SLC14A1: variants seen among roughly 807,000 people sequenced by gnomAD.
SLC14A1 encodes solute carrier family 14 member 1 (Kidd blood group).
A neutral mutation model predicts 39.6 loss-of-function variants in SLC14A1; 36 were observed. The ratio of observed to expected loss-of-function variants is 0.91; its 90% confidence interval spans 0.70 to 1.20. The LOEUF (loss-of-function observed/expected upper bound fraction) is 1.20. Ranked by LOEUF, SLC14A1 falls within the 50% of genes most tolerant of loss-of-function variation. SLC14A1 has a pLI of 0.00. For missense variants in SLC14A1, 469 were observed against 478.7 expected (o/e 0.98, Z 0.19); for synonymous variants, 164 against 173.6 (o/e 0.94, Z 0.43).
chr18:45,727,363 C>A (rs982814472), intron 2 of SLC14A1: 34 of 1,551,424 alleles, frequency 2.2e-5, no homozygotes, highest in Non-Finnish European at 2.9e-5. Flanking sequence ...GGTGACGCAG[C>A]GCGCAGAGGC....
intron 8 of SLC14A1, among the ~76,000 whole-genome samples, chr18:45,744,156 AC>A (rs1293658046): frequency 6.6e-6 from 1 of 152,128 alleles, no homozygotes; most frequent in East Asian, 1.9e-4. Context: ...GGGATTACAG[AC>A]ATGCACCACC....
chr18:45,737,616 A>G (rs1366146737), intron 6 of SLC14A1: 9 of 152,246 alleles, frequency 5.9e-5, no homozygotes, highest in African/African-American at 9.6e-5. Context: ...TCAGAAGGAA[A>G]AAATCAAAGA....
chr18:45,732,276 A>G (rs931073188), intron 4 of SLC14A1, among the ~76,000 whole-genome samples: 1 of 152,258 alleles, frequency 6.6e-6, no homozygotes, highest in Non-Finnish European at 1.5e-5. Flanking sequence ...TGTTTTAAGT[A>G]AATATATGTC....
At chr18:45,725,959 A>C (rs2046853049) in intron 2 of SLC14A1, among the ~76,000 whole-genome samples, 1 of 152,174 alleles carries the variant, frequency 6.6e-6, no homozygotes, top group African/African-American at 2.4e-5. Flanking sequence ...GGGCAGAAGG[A>C]GACGCTGTCT....
intron 7 of SLC14A1, 35 bp downstream of exon 7, chr18:45,739,345 C>T: frequency 1.2e-6 from 2 of 1,613,872 alleles, no homozygotes; most frequent in Non-Finnish European, 1.7e-6. Flanking sequence ...TATTGAGCAC[C>T]TCCTCCATCC....
At chr18:45,749,125 T>C (rs995623014) in intron 9 of SLC14A1, among the ~76,000 whole-genome samples, 5 of 145,320 alleles carry the variant, frequency 3.4e-5, no homozygotes, top group Non-Finnish European at 7.7e-5. Flanking sequence ...AGGTCTTGTA[T>C]GATGCTTGAA....
intron 6 of SLC14A1, chr18:45,737,523 GAGTGATCAAA>G (rs1450526555): frequency 7.9e-5 from 12 of 152,136 alleles, no homozygotes; most frequent in Non-Finnish European, 8.8e-5. Flanking sequence ...CTTCTTTGTT[GAGTGATCAAA>G]ACACACGAGG....
intron 2 of SLC14A1, chr18:45,727,518 C>A: frequency 1.5e-6 from 2 of 1,372,896 alleles, no homozygotes; most frequent in Non-Finnish European, 1.9e-6. Context: ...TGGGGGTTGG[C>A]TGTGAGCTAA....
chr18:45,749,166 G>A (rs2047639108), intron 9 of SLC14A1, among the ~76,000 whole-genome samples: 1 of 151,958 alleles, frequency 6.6e-6, no homozygotes. Context: ...TCCCCCAGAT[G>A]ATTCTGATGT....
Position 45,750,793 on chromosome 18 carries a change from A to G in SLC14A1, c.*842A>G, listed in dbSNP as rs1488746041. ...TATTTATGAAATACTCAGCTTAGGC[A>G]TTTTTACTTTAACCCCTAAATTGAT... On this transcript the variant is annotated 3_prime_UTR_variant, in exon 10 of 10. Transcript: ENST00000321925. 1 of 984,962 alleles carries G rather than the reference A, an allele frequency of 1.0e-6. No individual in the cohort carries two copies. Among genetic ancestry groups the G allele is most frequent in the Non-Finnish European group, 1.2e-6 (1 of 829,632 alleles). 61.0% of individuals were successfully genotyped at this position (984,962 alleles called of 1,614,324 possible). A position where few individuals can be genotyped will look rare whatever the true frequency, so the allele number is the denominator to read the frequency against.
chr18:45,735,727 G>A lies in SLC14A1; in HGVS notation c.471-729G>A, dbSNP rs28898870. On this transcript the variant is annotated intron_variant, in intron 5 of 9. Transcript: ENST00000321925. ...GGGCCCTGCTCTGAAGAATAGGTTC[G>A]TGGGAAGGAGGCCTAGCCTGTAAGT... Among the ~76,000 whole-genome samples, 587 of 152,284 alleles carry A rather than the reference G, an allele frequency of 3.9e-3. 5 individuals are homozygous for A. Among genetic ancestry groups the A allele is most frequent in the African/African-American group, 0.014 (561 of 41,548 alleles).
At chr18:45,745,280 G>T (rs992185905) in intron 8 of SLC14A1, among the ~76,000 whole-genome samples, 10 of 152,130 alleles carry the variant, frequency 6.6e-5, no homozygotes, top group African/African-American at 2.4e-4. Context: ...TCAGTTTGTT[G>T]TCCTTCTTTT....
rs932916518 is a variant in SLC14A1, at chr18:45,734,172, T to G, written c.342-102T>G. ...AATACATTTCCAAATATAATCTCAT[T>G]TTTTAATATGAATATGATCTGGAAG... On this transcript the variant is annotated intron_variant, in intron 4 of 9. Coordinates refer to ENST00000321925, the MANE Select transcript of SLC14A1 (RefSeq NM_015865.7). The G allele has an allele frequency of 1.5e-5, 21 of 1,444,872 alleles. No homozygotes were observed. The Admixed American group carries it at 3.2e-4, about 22-fold the overall frequency. The allele number at this position is 1,444,872 out of a possible 1,614,324, so 89.5% of individuals were successfully genotyped here.
intron 4 of SLC14A1, among the ~76,000 whole-genome samples, chr18:45,731,820 C>A (rs558716592): frequency 1.3e-5 from 2 of 152,182 alleles, no homozygotes; most frequent in Non-Finnish European, 2.9e-5. Context: ...GTAGATAGCT[C>A]CCCACTAGCC....
In SLC14A1 at chr18:45,750,921, A is replaced by C. The variant is rs1176742826; in HGVS notation, c.*970A>C. 1 of 984,908 alleles carries C rather than the reference A, an allele frequency of 1.0e-6. No homozygotes were observed. The highest frequency in any genetic ancestry group is 1.2e-6 in the Non-Finnish European group (1 of 829,558). 61.0% of individuals were successfully genotyped at this position (984,908 alleles called of 1,614,324 possible). ...AGGATGTCTTATAAAGACTGAAGGC[A>C]AAGGTCAGATTGCTTACGGGTGTTA... is the stretch of plus-strand genomic sequence containing the variant. On this transcript the variant is annotated 3_prime_UTR_variant, in exon 10 of 10. Transcript: ENST00000321925.
intron 8 of SLC14A1, among the ~76,000 whole-genome samples, chr18:45,742,352 G>A (rs200996719): frequency 4.8e-5 from 5 of 104,942 alleles, no homozygotes; most frequent in African/African-American, 1.7e-4. Flanking sequence ...TTTGTTTTTT[G>A]GTTTTTTTTT....
At chr18:45,730,180 G>T (rs2046985944) in intron 2 of SLC14A1, 120 bp from the exon 3 acceptor site, 1 of 1,056,894 alleles carries the variant, frequency 9.5e-7, no homozygotes, top group Non-Finnish European at 1.3e-6. Context: ...AAGGAAAATG[G>T]TGCTCTCTTA....
In SLC14A1 at chr18:45,751,104, C is replaced by G; in HGVS notation, c.*1153C>G. 1.2e-6 allele frequency: 1 copy of G among 861,880 alleles called. No homozygotes were observed. Among genetic ancestry groups the G allele is most frequent in the Non-Finnish European group, 1.4e-6 (1 of 717,486 alleles). The allele number at this position is 861,880 out of a possible 1,614,324, so 53.4% of individuals were successfully genotyped here. A position where few individuals can be genotyped will look rare whatever the true frequency, so the allele number is the denominator to read the frequency against. On this transcript the variant is annotated 3_prime_UTR_variant, in exon 10 of 10. Transcript: ENST00000321925. ...CCTGTAATCCCAGCACTTTGGGGAG[C>G]CCAGGCGGGCAGATTGCTTGAACCC...
At chr18:45,725,700 G>T (rs2046846341) in intron 2 of SLC14A1, among the ~76,000 whole-genome samples, 1 of 152,170 alleles carries the variant, frequency 6.6e-6, no homozygotes, top group Non-Finnish European at 1.5e-5. Flanking sequence ...GAAAAATTAA[G>T]AACCACCAGA....
Sources: allele counts gnomAD v4.1 joint callset (sites outside exome capture counted in the v4.1 genomes callset), GRCh38; gene constraint gnomAD v4.1.1; transcripts MANE v1.5; gene names NCBI Gene and HGNC (gene_info 2026-07-23, HGNC 2026-07-21).